Variants in ABR observed in about 807,000 individuals in gnomAD.
ABR encodes the protein active breakpoint cluster region-related protein.
A neutral mutation model predicts 107.2 loss-of-function variants in ABR; 35 were observed. The ratio of observed to expected loss-of-function variants is 0.33; its 90% CI spans 0.25 to 0.43. ABR has a LOEUF of 0.43. ABR is among the 20% of genes least tolerant of loss of function. ABR has a pLI of 1.00. For missense variants in ABR, 815 were observed against 1,115.2 expected (o/e 0.73, Z 3.83); for synonymous variants, 498 against 462.0 (o/e 1.08, Z -1.00).
chr17:1,021,352 C>G (rs1350120394), intron 16 of ABR, among the ~76,000 whole-genome samples: 1 of 152,226 alleles, frequency 6.6e-6, no homozygotes, highest in Non-Finnish European at 1.5e-5. Flanking sequence ...CAGGAGCTGA[C>G]CCCCCGAGGA....
At chr17:1,162,419 C>T (rs951566631) in intron 1 of ABR, among the ~76,000 whole-genome samples, 4 of 152,194 alleles carry the variant, frequency 2.6e-5, no homozygotes, top group African/African-American at 9.7e-5. Flanking sequence ...CTCTCTTCCA[C>T]CCCAGCAGGA....
intron 16 of ABR, among the ~76,000 whole-genome samples, chr17:1,016,410 G>A (rs555385112): frequency 1.3e-4 from 20 of 149,564 alleles, no homozygotes; most frequent in African/African-American, 3.2e-4. Context: ...TCCACCTCCC[G>A]GGTTCAAGTG....
rs2033507650 is a variant in ABR, at chr17:1,057,809, G to A, written c.1381+161C>T. 4.8e-6 allele frequency: 3 copies of A among 627,120 alleles called. No homozygotes were observed. In the South Asian group the frequency reaches 5.5e-5, roughly 11 times the overall value. 38.8% of individuals were successfully genotyped at this position (627,120 alleles called of 1,614,324 possible). The stretch of plus-strand genomic sequence containing the variant: ...TCAGCCAATCAGTTAGATTCTTTGG[G>A]TCTCAATTAATCCGTAACATCCTTA... On this transcript the variant is annotated intron_variant, in intron 12 of 22. Transcript: ENST00000302538.
rs536311179 is a variant in ABR, at chr17:1,086,922, C to T, written c.532-3295G>A. Among the ~76,000 whole-genome samples the T allele has an allele frequency of 3.3e-5, 5 of 151,874 alleles. No homozygotes were observed. The South Asian group carries it at 8.3e-4, about 25-fold the overall frequency. On this transcript the variant is annotated intron_variant, in intron 4 of 22. Coordinates refer to ENST00000302538, the MANE Select transcript of ABR (RefSeq NM_021962.5). ...CCGAGTTCAAGTCCAGCCTGGACAACATAGCAAGACCTTTTTTTTTTTTTA... is the reference window on the plus strand; with the variant it reads ...CCGAGTTCAAGTCCAGCCTGGACAATATAGCAAGACCTTTTTTTTTTTTTA...
chr17:1,109,411 C>A (rs1666715094), intron 2 of ABR, among the ~76,000 whole-genome samples: 1 of 151,942 alleles, frequency 6.6e-6, no homozygotes, highest in African/African-American at 2.4e-5. Context: ...GGCTCCGGGG[C>A]TCGGGCTCGC....
At chr17:1,138,685 G>A (rs1001283715) in intron 1 of ABR, among the ~76,000 whole-genome samples, 4 of 152,028 alleles carry the variant, frequency 2.6e-5, no homozygotes, top group Middle Eastern at 3.2e-3. Context: ...TGCTATGTGG[G>A]CCGGGCTGGT....
intron 2 of ABR, among the ~76,000 whole-genome samples, chr17:1,115,859 G>T (rs533037967): frequency 1.5e-4 from 23 of 151,164 alleles, no homozygotes; most frequent in African/African-American, 5.6e-4. Flanking sequence ...CCCGGGAGGC[G>T]GAAGCTGCAG....
intron 1 of ABR, among the ~76,000 whole-genome samples, chr17:1,139,553 GTT>G (rs142898332): frequency 6.7e-6 from 1 of 149,896 alleles, no homozygotes; most frequent in Non-Finnish European, 1.5e-5. Context: ...TGCCCGGCCT[GTT>G]TTTTTTTTCT....
intron 2 of ABR, among the ~76,000 whole-genome samples, chr17:1,124,176 G>A (rs2258742): frequency 4.6e-5 from 7 of 151,802 alleles, no homozygotes; most frequent in Non-Finnish European, 7.4e-5. Flanking sequence ...GGGTGGCCGG[G>A]GGGGCTGGAA....
chr17:1,208,666 A>G (rs2150735433), intron 1 of ABR, among the ~76,000 whole-genome samples: 1 of 152,272 alleles, frequency 6.6e-6, no homozygotes, highest in East Asian at 1.9e-4. Flanking sequence ...AGGCGGGCGG[A>G]TCACGAGGTC....
intron 5 of ABR, among the ~76,000 whole-genome samples, chr17:1,082,038 G>A (rs1024432564): frequency 5.4e-5 from 8 of 148,996 alleles, no homozygotes; most frequent in South Asian, 2.2e-4. Context: ...GATTCTAAAC[G>A]TGGGCATCGA....
intron 1 of ABR, among the ~76,000 whole-genome samples, chr17:1,156,876 G>C (rs2041065821): frequency 6.6e-6 from 1 of 152,182 alleles, no homozygotes; most frequent in Non-Finnish European, 1.5e-5. Context: ...GGCAGCCTGA[G>C]AAGTGGCTCT....
intron 2 of ABR, among the ~76,000 whole-genome samples, chr17:1,114,790 G>T (rs1404073299): frequency 6.6e-6 from 1 of 152,068 alleles, no homozygotes; most frequent in Non-Finnish European, 1.5e-5. Context: ...AAAAGCAGTG[G>T]TTAGAGATGC....
intron 16 of ABR, among the ~76,000 whole-genome samples, chr17:1,020,613 G>A (rs1005380576): frequency 2.0e-5 from 3 of 152,176 alleles, no homozygotes; most frequent in East Asian, 1.9e-4. Flanking sequence ...CAAGAATCCC[G>A]TAGGTGGCTG....
rs1440965309 is a variant in ABR, at chr17:1,150,349, T to TC, written c.62-24983dup. Among the ~76,000 whole-genome samples the TC allele has an allele frequency of 6.6e-6, 1 of 152,184 alleles. No individual in the cohort carries two copies. Among genetic ancestry groups the TC allele is most frequent in the African/African-American group, 2.4e-5 (1 of 41,446 alleles). On this transcript the variant is annotated intron_variant, in intron 1 of 22. Coordinates refer to ENST00000302538, the MANE Select transcript of ABR (RefSeq NM_021962.5). This position sits in a 1 kb window ranked among gnomAD's most constrained non-coding sequence, Gnocchi z 4.8. ...GGGAAAGGAGGTAAGAAGTCTGTGT[T>TC]CCGGGTGTGCTGAGCACTTGCTGTG...
chr17:1,228,600 C>A (rs1246595410), intron 1 of ABR, among the ~76,000 whole-genome samples: 3 of 152,198 alleles, frequency 2.0e-5, no homozygotes, highest in Admixed American at 6.5e-5. Flanking sequence ...AGCTTAACGT[C>A]GCCTTGCACG....
intron 1 of ABR, among the ~76,000 whole-genome samples, chr17:1,165,927 G>A (rs969893248): frequency 1.3e-5 from 2 of 152,036 alleles, no homozygotes; most frequent in Admixed American, 6.6e-5. Context: ...AGCTTGGCCC[G>A]GCTCACAGGG....
Position 1,199,237 on chromosome 17 carries a change from G to A in ABR, c.838+29556C>T, listed in dbSNP as rs564264406. Reference sequence around the variant, plus strand: ...CTGCAGGTGCCAGGGAAGACTGGGGGAAACAGAGGCAGTGAGCCAGGGCCC... The same window carrying A: ...CTGCAGGTGCCAGGGAAGACTGGGGAAAACAGAGGCAGTGAGCCAGGGCCC... On this transcript the variant is annotated intron_variant, in intron 1 of 22. Coordinates refer to the ABR transcript ENST00000574139. Among the ~76,000 whole-genome samples, 27 of 150,888 alleles carry A rather than the reference G, an allele frequency of 1.8e-4. 1 individual carries two copies. The South Asian group carries it at 5.2e-3, about 29-fold the overall frequency.
chr17:1,202,242 G>T (rs1489872138), intron 1 of ABR, among the ~76,000 whole-genome samples: 3 of 151,530 alleles, frequency 2.0e-5, no homozygotes, highest in Non-Finnish European at 4.4e-5. Context: ...TGGCTAGGCT[G>T]GTCTCCAACT....
Sources: allele counts gnomAD v4.1 joint callset (sites outside exome capture counted in the v4.1 genomes callset), GRCh38; gene constraint gnomAD v4.1.1; non-coding constraint Gnocchi (gnomAD v3.1); transcripts MANE v1.5; gene names NCBI Gene and HGNC (gene_info 2026-07-23, HGNC 2026-07-21).